PRRX1: variants seen among roughly 807,000 people sequenced by gnomAD.
The protein encoded by PRRX1 is paired related homeobox 1.
PRRX1 carries 8 observed loss-of-function variants against 24.0 expected under a neutral mutation model. The observed-to-expected ratio is 0.33, with a 90% CI of 0.20 to 0.60. PRRX1 has a LOEUF of 0.60. Ranked by LOEUF, PRRX1 falls within the 20% of genes least tolerant of loss-of-function variation. The pLI is 0.82. For missense variants in PRRX1, 281 were observed against 322.4 expected (o/e 0.87, Z 0.98); for synonymous variants, 160 against 131.7 (o/e 1.22, Z -1.47).
chr1:170,695,358 G>A (rs960553930), intron 1 of PRRX1, among the ~76,000 whole-genome samples: 1 of 152,106 alleles, frequency 6.6e-6, no homozygotes, highest in Non-Finnish European at 1.5e-5. Flanking sequence ...CACTCTAAAC[G>A]AGATGCTATT....
chr1:170,718,126 A>AT (rs751301068), intron 1 of PRRX1, among the ~76,000 whole-genome samples: 6 of 152,122 alleles, frequency 3.9e-5, no homozygotes, highest in East Asian at 1.9e-4. Flanking sequence ...ATCATCTGAC[A>AT]TTTTTTTCTA....
At chr1:170,720,765 A>G (rs781495925) in intron 2 of PRRX1, among the ~76,000 whole-genome samples, 1 of 152,220 alleles carries the variant, frequency 6.6e-6, no homozygotes, top group Non-Finnish European at 1.5e-5. Flanking sequence ...AACTGAAAGA[A>G]GGTAAGAGCA....
At chr1:170,664,589 T>G (rs945526895) in intron 1 of PRRX1, 130 bp downstream of exon 1, 86 of 1,374,440 alleles carry the variant, frequency 6.3e-5, no homozygotes, top group Non-Finnish European at 7.8e-5. Context: ...ATGGCAGACT[T>G]CAAAGGAAGG....
At position 170,737,579 on chromosome 1, in the gene PRRX1, TA is replaced by T; in HGVS notation, c.*1396del. On this transcript the variant is annotated 3_prime_UTR_variant, in exon 4 of 4. Coordinates refer to ENST00000239461, the MANE Select transcript of PRRX1 (RefSeq NM_022716.4). ...AAGGCACATGTTTAAGAGGAATACC[TA>T]AAGGTTTTTCTAAATTCCAACATTT... 4.7e-6 allele frequency: 1 copy of T among 211,904 alleles called. No individual in the cohort carries two copies. The highest frequency in any genetic ancestry group is 7.0e-5 in the East Asian group (1 of 14,218). The allele number at this position is 211,904 out of a possible 1,614,324, so 13.1% of individuals were successfully genotyped here.
chr1:170,704,103 T>C (rs1654484551), intron 1 of PRRX1, among the ~76,000 whole-genome samples: 1 of 152,222 alleles, frequency 6.6e-6, no homozygotes, highest in Admixed American at 6.5e-5. Context: ...ACTAGATAAA[T>C]ATAACTTTGC....
intron 1 of PRRX1, among the ~76,000 whole-genome samples, chr1:170,697,361 C>T (rs912945734): frequency 2.0e-5 from 3 of 152,126 alleles, no homozygotes; most frequent in Non-Finnish European, 4.4e-5. Context: ...TTTATAAATA[C>T]ATAATCTTCC....
chr1:170,701,686 A>G (rs1035883468), intron 1 of PRRX1, among the ~76,000 whole-genome samples: 37 of 152,318 alleles, frequency 2.4e-4, no homozygotes, highest in Admixed American at 2.0e-3. Context: ...CAAATGTCCT[A>G]AAGTCAGACA....
At position 170,677,195 on chromosome 1, in the gene PRRX1, T is replaced by A. The variant is rs535652792; in HGVS notation, c.241+12736T>A. Among the ~76,000 whole-genome samples, 30 of 152,362 alleles carry A rather than the reference T, an allele frequency of 2.0e-4. No homozygotes were observed. In the South Asian group the frequency reaches 6.0e-3, roughly 31 times the overall value. ...TGGATTCAGAAAATTCTGTGTTAAA[T>A]TATGGTTCCACCATTCATTAATACT... is the stretch of plus-strand genomic sequence containing the variant. On this transcript the variant is annotated intron_variant, in intron 1 of 3. Coordinates refer to ENST00000239461, the MANE Select transcript of PRRX1 (RefSeq NM_022716.4).
At chr1:170,686,262 G>A (rs986058802) in intron 1 of PRRX1, among the ~76,000 whole-genome samples, 2 of 151,632 alleles carry the variant, frequency 1.3e-5, no homozygotes, top group Non-Finnish European at 2.9e-5. Context: ...ATGGCAGCTC[G>A]GAAAAAATGC....
intron 1 of PRRX1, chr1:170,669,186 AC>A (rs901984826): frequency 1.3e-5 from 2 of 151,246 alleles, no homozygotes; most frequent in African/African-American, 4.9e-5. Context: ...GTGAATACCC[AC>A]CCCCATGTTT....
At chr1:170,725,298 A>G (rs534586521) in intron 2 of PRRX1, among the ~76,000 whole-genome samples, 61 of 152,304 alleles carry the variant, frequency 4.0e-4, no homozygotes, top group Admixed American at 3.5e-3. Context: ...AAAATAAAAT[A>G]AAAATAAATA....
rs116306360 is a variant in PRRX1 at position 170,664,767 on chromosome 1, C to G, written c.241+308C>G. Among the ~76,000 whole-genome samples the G allele has an allele frequency of 2.7e-3, 406 of 152,358 alleles. 1 individual carries two copies. Among genetic ancestry groups the G allele is most frequent in the African/African-American group, 9.2e-3 (383 of 41,588 alleles). On this transcript the variant is annotated intron_variant, in intron 1 of 3. Transcript: ENST00000239461. ...TCTTTACTTCGGCTAGGCACCGGCT[C>G]GGTTCATCCCGCACGCGGGGCGGCG...
chr1:170,708,002 C>A (rs1654620033), intron 1 of PRRX1, among the ~76,000 whole-genome samples: 1 of 152,178 alleles, frequency 6.6e-6, no homozygotes, highest in Non-Finnish European at 1.5e-5. Context: ...CCTTCCTTAA[C>A]CTTGATTATC....
At chr1:170,717,037 C>T (rs760570890) in intron 1 of PRRX1, among the ~76,000 whole-genome samples, 2 of 152,214 alleles carry the variant, frequency 1.3e-5, no homozygotes, top group African/African-American at 4.8e-5. Context: ...GCCCGCTCAT[C>T]GTCTCTTTCT....
chr1:170,726,561 T>A, intron 3 of PRRX1, 160 bp downstream of exon 3: 1 of 874,550 alleles, frequency 1.1e-6, no homozygotes, highest in Non-Finnish European at 1.7e-6. Context: ...CAGGAGATTA[T>A]AAGCTGCCCC....
rs139799915 is a variant in PRRX1, at chr1:170,711,312, A to T, written c.242-8414A>T. Among the ~76,000 whole-genome samples, 1,119 of 152,276 alleles carry T rather than the reference A, an allele frequency of 7.3e-3. 10 individuals carry two copies. Among genetic ancestry groups the T allele is most frequent in the African/African-American group, 0.026 (1,079 of 41,552 alleles). ...TGTGATGGAAAGCTAATTCTCTGTT[A>T]TTGTGGCTTTCTCTGCTATAAGCAC... On this transcript the variant is annotated intron_variant, in intron 1 of 3. Coordinates refer to ENST00000239461, the MANE Select transcript of PRRX1 (RefSeq NM_022716.4).
chr1:170,716,185 T>C (rs1654900069), intron 1 of PRRX1, among the ~76,000 whole-genome samples: 1 of 152,174 alleles, frequency 6.6e-6, no homozygotes, highest in Admixed American at 6.5e-5. Context: ...TGCTTGTTTT[T>C]ACTAAGAGCA....
chr1:170,717,453 T>C (rs1654940274), intron 1 of PRRX1, among the ~76,000 whole-genome samples: 1 of 152,248 alleles, frequency 6.6e-6, no homozygotes, highest in Non-Finnish European at 1.5e-5. Context: ...AAAAGATTTA[T>C]AATTTGTGGT....
chr1:170,726,079 C>T (rs980153689), intron 2 of PRRX1, 141 bp from the exon 3 acceptor site: 67 of 821,732 alleles, frequency 8.2e-5, no homozygotes, highest in African/African-American at 3.1e-4. Context: ...TATTGTTCTA[C>T]GGAGAATTCC....
Sources: allele counts gnomAD v4.1 joint callset (sites outside exome capture counted in the v4.1 genomes callset), GRCh38; gene constraint gnomAD v4.1.1; transcripts MANE v1.5; gene names NCBI Gene and HGNC (gene_info 2026-07-23, HGNC 2026-07-21).